The following EIF3H variants were observed in gnomAD, a reference collection of about 807,000 sequenced individuals.
The protein encoded by EIF3H is eIF-3-gamma.
EIF3H carries 26 observed loss-of-function variants against 44.2 expected under a neutral mutation model. The observed-to-expected ratio is 0.59, with a 90% confidence interval of 0.43 to 0.82. EIF3H has a LOEUF of 0.82. Among genes scored for constraint, EIF3H ranks in the 40% least tolerant of loss-of-function variants. The pLI is 0.00. For synonymous variants in EIF3H, 166 were observed against 151.9 expected, an observed-to-expected ratio of 1.09 and a Z score of -0.68; for missense variants, 359 against 432.8, an observed-to-expected ratio of 0.83 and a Z score of 1.51.
chr8:116,757,087 T>C (rs1465344450), upstream of EIF3H, among the ~76,000 whole-genome samples: 2 of 152,232 alleles, frequency 1.3e-5, no homozygotes, highest in African/African-American at 2.4e-5. Flanking sequence ...ACAATACCAA[T>C]ATCCTCATAG....
chr8:116,710,511 TATA>T (rs2130898249), intron 2 of EIF3H, among the ~76,000 whole-genome samples: 1 of 152,328 alleles, frequency 6.6e-6, no homozygotes, highest in South Asian at 2.1e-4. Flanking sequence ...TTTTATTTAA[TATA>T]ATACCTAGTG....
intron 1 of EIF3H, among the ~76,000 whole-genome samples, chr8:116,736,576 C>T (rs895913477): frequency 6.6e-6 from 1 of 151,992 alleles, no homozygotes; most frequent in Non-Finnish European, 1.5e-5. Flanking sequence ...GCAGGGGAAC[C>T]GTTTCAACCG....
intron 5 of EIF3H, among the ~76,000 whole-genome samples, chr8:116,650,912 GAGC>G: frequency 6.6e-6 from 1 of 152,162 alleles, no homozygotes; most frequent in Non-Finnish European, 1.5e-5. Context: ...TTACAGCCAT[GAGC>G]CACTGTTCCT....
At chr8:116,749,943 G>T (rs1443858134) in intron 1 of EIF3H, among the ~76,000 whole-genome samples, 1 of 152,298 alleles carries the variant, frequency 6.6e-6, no homozygotes, top group African/African-American at 2.4e-5. Context: ...AGAAAAATTG[G>T]TCTTGGCCAC....
At position 116,642,396 on chromosome 8, in the gene EIF3H, C is replaced by T. The variant is rs908357635; in HGVS notation, c.*2610G>A. On this transcript the variant is annotated 3_prime_UTR_variant, in exon 8 of 8. Transcript: ENST00000521861. ...TTAGGTTAACATTAGACAACTACATCTCAATTTCCAAGCTTCCAAAAATAG... is the reference window on the plus strand; with the variant it reads ...TTAGGTTAACATTAGACAACTACATTTCAATTTCCAAGCTTCCAAAAATAG... 1.3e-5 allele frequency: 2 copies of T among 152,090 alleles called. No homozygotes were observed. Among genetic ancestry groups the T allele is most frequent in the Non-Finnish European group, 2.9e-5 (2 of 68,006 alleles). The allele number at this position is 152,090 out of a possible 1,614,324, so 9.4% of individuals were successfully genotyped here.
chr8:116,675,801 C>G (rs1052077363), intron 2 of EIF3H, among the ~76,000 whole-genome samples: 1 of 152,190 alleles, frequency 6.6e-6, no homozygotes, highest in African/African-American at 2.4e-5. Context: ...TGAATATTAT[C>G]TGACACATGG....
At chr8:116,712,939 T>G (rs913126415) in intron 2 of EIF3H, among the ~76,000 whole-genome samples, 2 of 152,112 alleles carry the variant, frequency 1.3e-5, no homozygotes, top group East Asian at 1.9e-4. Flanking sequence ...CTGGGCAAGA[T>G]AGGAAGCAAG....
chr8:116,765,503 T>G (rs1268890629), intron 1 of EIF3H: 1 of 152,188 alleles, frequency 6.6e-6, no homozygotes, highest in East Asian at 1.9e-4. Flanking sequence ...CCCCATTCTT[T>G]GATTATTTTA....
At chr8:116,690,606 A>G (rs1196993346) in intron 2 of EIF3H, among the ~76,000 whole-genome samples, 1 of 152,218 alleles carries the variant, frequency 6.6e-6, no homozygotes, top group East Asian at 1.9e-4. Context: ...GTAATAGCAG[A>G]CATTTAAGCC....
Position 116,674,323 on chromosome 8 carries a change from G to C in EIF3H, c.290-15343C>G, listed in dbSNP as rs1490557808. 8.2e-5 allele frequency among the ~76,000 whole-genome samples: 11 copies of C among 134,186 alleles called. No homozygotes were observed. The East Asian group carries it at 8.7e-4, about 11-fold the overall frequency. 88.0% of individuals were successfully genotyped at this position (134,186 alleles called of 152,430 possible). ...AAAAAGAGGCCTGGGGGTGGAGGTG[G>C]GGGGGGGTGGGGGGGAAGGGATTCT... On this transcript the variant is annotated intron_variant, in intron 2 of 7. Transcript: ENST00000521861.
chr8:116,678,681 C>T (rs1357288812), intron 2 of EIF3H, among the ~76,000 whole-genome samples: 5 of 147,222 alleles, frequency 3.4e-5, no homozygotes, highest in South Asian at 2.2e-4. Flanking sequence ...TCTGCTGGGC[C>T]GCAACCCTGT....
At chr8:116,744,166 GA>G (rs1257673670) in intron 1 of EIF3H, among the ~76,000 whole-genome samples, 1 of 147,918 alleles carries the variant, frequency 6.8e-6, no homozygotes, top group Non-Finnish European at 1.5e-5. Flanking sequence ...TAATGGACAG[GA>G]AATAAAATCA....
chr8:116,693,283 A>G (rs1179436221), intron 2 of EIF3H, among the ~76,000 whole-genome samples: 1 of 152,262 alleles, frequency 6.6e-6, no homozygotes, highest in Non-Finnish European at 1.5e-5. Context: ...ATCATTTGAC[A>G]TCAGAAAATT....
chr8:116,731,752 G>A (rs1259342027), intron 1 of EIF3H, among the ~76,000 whole-genome samples: 2 of 152,086 alleles, frequency 1.3e-5, no homozygotes, highest in Non-Finnish European at 2.9e-5. Context: ...ATCTGACCCC[G>A]TTATCTAAGA....
intron 1 of EIF3H, among the ~76,000 whole-genome samples, chr8:116,735,636 C>T (rs939387275): frequency 5.3e-5 from 8 of 152,090 alleles, no homozygotes; most frequent in Admixed American, 2.6e-4. Context: ...CGCCACAGAG[C>T]AGAGAATAAG....
At chr8:116,678,037 C>T (rs1348937677) in intron 2 of EIF3H, among the ~76,000 whole-genome samples, 2 of 152,104 alleles carry the variant, frequency 1.3e-5, no homozygotes, top group Admixed American at 6.5e-5. Flanking sequence ...CCTCTGATGC[C>T]GAGCCAAAGC....
intron 1 of EIF3H, among the ~76,000 whole-genome samples, chr8:116,751,598 C>T (rs1488441541): frequency 6.6e-6 from 1 of 152,148 alleles, no homozygotes; most frequent in Non-Finnish European, 1.5e-5. Flanking sequence ...TATGAGATAT[C>T]CAAATAGTGA....
chr8:116,715,789 T>C (rs573133937), intron 2 of EIF3H, among the ~76,000 whole-genome samples: 1 of 152,210 alleles, frequency 6.6e-6, no homozygotes, highest in East Asian at 1.9e-4. Context: ...TTTCTCCCTT[T>C]TAGCAAGCCT....
At chr8:116,739,506 C>T (rs188177350) in intron 1 of EIF3H, among the ~76,000 whole-genome samples, 2 of 152,110 alleles carry the variant, frequency 1.3e-5, no homozygotes, top group Admixed American at 6.5e-5. Flanking sequence ...AAAAATTAGC[C>T]GGGCGTGGTG....
Sources: gnomAD v4.1 joint callset for allele counts (sites outside exome capture counted in the v4.1 genomes callset) on GRCh38, gnomAD v4.1.1 for gene constraint, MANE v1.5 for transcripts, NCBI Gene and HGNC (gene_info 2026-07-23, HGNC 2026-07-21) for gene names.